Variants in AFTPH observed in about 807,000 individuals in gnomAD.
AFTPH encodes the protein aftiphilin.
Under a neutral mutation model 72.5 loss-of-function variants are expected in AFTPH, and 7 were observed. The observed-to-expected ratio is 0.10, with a 90% CI of 0.05 to 0.18. The LOEUF (loss-of-function observed/expected upper bound fraction) is 0.18. Ranked by LOEUF, AFTPH falls within the 10% of genes least tolerant of loss-of-function variation. The pLI, the probability that AFTPH is intolerant of heterozygous loss-of-function variation, is 1.00. For synonymous variants in AFTPH, 337 were observed against 370.1 expected (o/e 0.91, Z 1.03); for missense variants, 979 against 1,060.5 (o/e 0.92, Z 1.07).
intron 1 of AFTPH, among the ~76,000 whole-genome samples, chr2:64,528,062 C>T (rs942150936): frequency 9.2e-5 from 14 of 152,198 alleles, no homozygotes; most frequent in Admixed American, 2.0e-4. Flanking sequence ...CACTGTCACC[C>T]TTGTTCCAAA....
intron 1 of AFTPH, among the ~76,000 whole-genome samples, chr2:64,541,531 C>T (rs1326815419): frequency 1.3e-5 from 2 of 151,930 alleles, no homozygotes; most frequent in African/African-American, 4.8e-5. Flanking sequence ...TATTGAAAAC[C>T]AAAAAGTTAA....
At chr2:64,563,799 G>A (rs1316110374) in intron 2 of AFTPH, among the ~76,000 whole-genome samples, 5 of 152,058 alleles carry the variant, frequency 3.3e-5, no homozygotes, top group South Asian at 4.1e-4. Flanking sequence ...GTAGAGACAC[G>A]GTTTCACAAT....
intron 1 of AFTPH, among the ~76,000 whole-genome samples, chr2:64,536,563 T>C (rs1484822237): frequency 1.1e-5 from 1 of 88,646 alleles, no homozygotes; most frequent in Non-Finnish European, 1.9e-5. Flanking sequence ...CGAGACTCCA[T>C]CTTAAAAAAA....
intron 5 of AFTPH, among the ~76,000 whole-genome samples, chr2:64,571,408 C>A (rs1037852325): frequency 1.3e-5 from 2 of 152,132 alleles, no homozygotes; most frequent in Non-Finnish European, 2.9e-5. Flanking sequence ...AATTAACAAA[C>A]TTGGCTGAAA....
intron 7 of AFTPH, chr2:64,580,543 G>A (rs966635530): frequency 6.6e-6 from 1 of 152,638 alleles, no homozygotes; most frequent in Non-Finnish European, 1.5e-5. Context: ...GTTGTCTGGT[G>A]TCTTCAGTCA....
exon 1 of AFTPH, chr2:64,524,542 C>A: frequency 2.5e-6 from 1 of 399,240 alleles, no homozygotes; most frequent in South Asian, 1.3e-4. Flanking sequence ...AATAGACGGT[C>A]CTTCCCCGGG....
exon 2 of AFTPH, chr2:64,552,140 C>T: frequency 6.2e-7 from 1 of 1,614,130 alleles, no homozygotes; most frequent in Non-Finnish European, 8.5e-7. Flanking sequence ...ATAATTTAGA[C>T]TCTGTACCTA....
At chr2:64,571,149 C>T (rs1006342408) in intron 5 of AFTPH, among the ~76,000 whole-genome samples, 4 of 151,944 alleles carry the variant, frequency 2.6e-5, no homozygotes, top group Admixed American at 1.3e-4. Context: ...ATCTTTTGAT[C>T]TCACCCGGAG....
chr2:64,565,720 C>A (rs1032323209), intron 2 of AFTPH, among the ~76,000 whole-genome samples: 3 of 152,224 alleles, frequency 2.0e-5, no homozygotes, highest in African/African-American at 7.2e-5. Flanking sequence ...TATTTACTGT[C>A]TGGCTCTCTA....
intron 7 of AFTPH, among the ~76,000 whole-genome samples, chr2:64,584,846 T>G (rs893514790): frequency 2.0e-5 from 3 of 152,180 alleles, no homozygotes; most frequent in African/African-American, 7.2e-5. Flanking sequence ...TCTGCCCGCC[T>G]CGGCCTCCCA....
At chr2:64,577,652 A>G (rs991842807) in intron 6 of AFTPH, among the ~76,000 whole-genome samples, 3 of 152,262 alleles carry the variant, frequency 2.0e-5, no homozygotes, top group Admixed American at 6.5e-5. Flanking sequence ...TAGAATGCTT[A>G]GAGATGTTTG....
At chr2:64,563,393 A>G (rs927659255) in intron 2 of AFTPH, among the ~76,000 whole-genome samples, 1 of 152,210 alleles carries the variant, frequency 6.6e-6, no homozygotes, top group African/African-American at 2.4e-5. Context: ...CTTTTATCCC[A>G]AGTGCTCAAA....
chr2:64,587,199 A>G (rs1219236949), intron 8 of AFTPH, among the ~76,000 whole-genome samples: 2 of 152,200 alleles, frequency 1.3e-5, no homozygotes, highest in Admixed American at 6.5e-5. Context: ...CTCTTGTTCT[A>G]TACTAATAGG....
At chr2:64,588,226 C>G (rs925665826) in intron 8 of AFTPH, among the ~76,000 whole-genome samples, 6 of 152,098 alleles carry the variant, frequency 3.9e-5, no homozygotes, top group Non-Finnish European at 7.4e-5. Flanking sequence ...TTTTGTGTCT[C>G]GGTTTTGCTT....
intron 2 of AFTPH, among the ~76,000 whole-genome samples, chr2:64,554,110 A>G (rs899887002): frequency 6.6e-6 from 1 of 152,176 alleles, no homozygotes; most frequent in Non-Finnish European, 1.5e-5. Flanking sequence ...ATTTGCCTAT[A>G]CTTTCTTACA....
At chr2:64,548,137 T>C (rs1404750454) in intron 1 of AFTPH, among the ~76,000 whole-genome samples, 16 of 143,296 alleles carry the variant, frequency 1.1e-4, no homozygotes, top group Middle Eastern at 3.5e-3. Context: ...CTCACGCCTG[T>C]AATCCCAGCA....
chr2:64,584,184 A>AT (rs936642943), intron 7 of AFTPH, among the ~76,000 whole-genome samples: 126 of 148,664 alleles, frequency 8.5e-4, no homozygotes, highest in Middle Eastern at 3.4e-3. Context: ...AGGATTAAAA[A>AT]TTTTTTTTTT....
rs751807134 is a variant in AFTPH, at chr2:64,552,520, G to A, written c.1046G>A (p.Arg349Lys). The A allele has an allele frequency of 2.5e-6, 4 of 1,614,134 alleles. No individual in the cohort carries two copies. In the South Asian group the frequency reaches 3.3e-5, roughly 13 times the overall value. Residue 349 changes from arginine (R) to lysine (K), a missense_variant, in exon 2 of 9, where the codon AGA becomes AAA. This residue lies in a region of AFTPH where 498 missense variants were observed against 467.6 expected (regional missense o/e 1.06). Transcript: ENST00000238856. ...GCTGATAATTCAGAAGCCATTAGGAGAGAACAATGTAAAACTGAAGAAAAA... is the reference window on the plus strand; with the variant it reads ...GCTGATAATTCAGAAGCCATTAGGAAAGAACAATGTAAAACTGAAGAAAAA...
chr2:64,530,718 TTTAC>T (rs2103805818), intron 1 of AFTPH, among the ~76,000 whole-genome samples: 1 of 152,278 alleles, frequency 6.6e-6, no homozygotes, highest in Non-Finnish European at 1.5e-5. Context: ...TGATCTTTCT[TTTAC>T]TTATTAAATT....
Sources: allele counts gnomAD v4.1 joint callset (sites outside exome capture counted in the v4.1 genomes callset), GRCh38; gene constraint gnomAD v4.1.1; regional missense constraint gnomAD v4.1.1; transcripts MANE v1.5; gene names NCBI Gene and HGNC (gene_info 2026-07-23, HGNC 2026-07-21).